The following CEMIP variants were observed in gnomAD, a reference collection of about 807,000 sequenced individuals.
CEMIP encodes cell migration inducing hyaluronidase 1, also known as cell migration-inducing and hyaluronan-binding protein.
In CEMIP, 105 loss-of-function variants were observed where a neutral mutation model predicts 156.9. The observed-to-expected ratio is 0.67, with a 90% CI of 0.57 to 0.79. The LOEUF (loss-of-function observed/expected upper bound fraction) is 0.79, where lower values mean the gene tolerates loss of function less well. Ranked by LOEUF, CEMIP falls within the 30% of genes least tolerant of loss-of-function variation. The pLI is 0.00. For missense variants in CEMIP, 1,457 were observed against 1,769.4 expected (o/e 0.82, Z 3.17); for synonymous variants, 676 against 668.4 (o/e 1.01, Z -0.17).
At chr15:80,838,571 T>TTTAAGAAG (rs1484259218) in intron 1 of CEMIP, among the ~76,000 whole-genome samples, 1 of 152,008 alleles carries the variant, frequency 6.6e-6, no homozygotes, top group Non-Finnish European at 1.5e-5. Context: ...ATCAGGCCCC[T>TTTAAGAAG]TTAAGAAGTT....
intron 1 of CEMIP, among the ~76,000 whole-genome samples, chr15:80,832,361 T>TGTGTGTGTGTGTGA (rs1897175755): frequency 1.3e-5 from 2 of 150,032 alleles, no homozygotes; most frequent in Admixed American, 6.6e-5. Context: ...TGTGTGTGTG[T>TGTGTGTGTGTGTGA]AAGAGAAACA....
chr15:80,825,799 C>T (rs1897022558), intron 1 of CEMIP, among the ~76,000 whole-genome samples: 1 of 152,158 alleles, frequency 6.6e-6, no homozygotes, highest in Non-Finnish European at 1.5e-5. Context: ...TTTAAGAATG[C>T]TCCCCTTTCC....
chr15:80,929,899 G>T (rs114824180), intron 21 of CEMIP, among the ~76,000 whole-genome samples: 3,038 of 152,322 alleles, frequency 0.02, 109 homozygotes, highest in African/African-American at 0.069. Context: ...ACTTGGAAGG[G>T]TGATGAGCAA....
chr15:80,851,512 A>G (rs1320588599), intron 1 of CEMIP, among the ~76,000 whole-genome samples: 1 of 152,190 alleles, frequency 6.6e-6, no homozygotes, highest in South Asian at 2.1e-4. Flanking sequence ...AAAATTCTAT[A>G]ATAATAAGAG....
Position 80,932,175 on chromosome 15 carries a change from TGTCCCAGTTTGCTCTTCATCCAAACTG to T in CEMIP, c.2793+138_2793+164del. On this transcript the variant is annotated intron_variant, in intron 22 of 29. Transcript: ENST00000394685. This position sits in a 1 kb window ranked among gnomAD's most constrained non-coding sequence, Gnocchi z 4.5. ...AGCCTCCTCCAACTAGGCTGGGCCA[TGTCCCAGTTTGCTCTTCATCCAAACTG>T]GAAAAGTACAAGCGTAGGTTGCCCC... The T allele has an allele frequency of 1.0e-6, 1 of 1,004,050 alleles. No homozygotes were observed. The highest frequency in any genetic ancestry group is 1.5e-6 in the Non-Finnish European group (1 of 657,072). The allele number at this position is 1,004,050 out of a possible 1,614,324, so 62.2% of individuals were successfully genotyped here.
At chr15:80,822,175 C>T (rs1896925400) in intron 1 of CEMIP, among the ~76,000 whole-genome samples, 1 of 152,194 alleles carries the variant, frequency 6.6e-6, no homozygotes, top group Admixed American at 6.5e-5. Flanking sequence ...TTCTTGTGCA[C>T]AGCTTCCTGG....
intron 1 of CEMIP, among the ~76,000 whole-genome samples, chr15:80,822,635 A>G (rs1896938194): frequency 6.6e-6 from 1 of 152,238 alleles, no homozygotes; most frequent in Non-Finnish European, 1.5e-5. Context: ...AGCAGTGTCA[A>G]TACCACATTG....
chr15:80,802,475 G>T lies in CEMIP; in HGVS notation c.-176+22861G>T, dbSNP rs546770598. 3.3e-5 allele frequency among the ~76,000 whole-genome samples: 5 copies of T among 152,322 alleles called. No individual in the cohort carries two copies. In the East Asian group the frequency reaches 9.7e-4, roughly 29 times the overall value. On this transcript the variant is annotated intron_variant, in intron 1 of 29. Transcript: ENST00000394685. ...CAGCAATGCAGCCTCCAGAGGATGT[G>T]CTCAGGCCCTGCCCACACACCCGGA... is the stretch of plus-strand genomic sequence containing the variant.
chr15:80,848,953 A>ATTTTTTTTTTTTTTTT (rs764417438), intron 1 of CEMIP, among the ~76,000 whole-genome samples: 1 of 72,462 alleles, frequency 1.4e-5, no homozygotes. Flanking sequence ...CTCTTTAGAA[A>ATTTTTTTTTTTTTTTT]TTTTTTTTTT....
At position 80,809,610 on chromosome 15, in the gene CEMIP, G is replaced by A. The variant is rs147320618; in HGVS notation, c.-176+29996G>A. 6.4e-3 allele frequency among the ~76,000 whole-genome samples: 978 copies of A among 152,312 alleles called. 8 individuals carry two copies. The highest frequency in any genetic ancestry group is 0.022 in the African/African-American group (909 of 41,566). On this transcript the variant is annotated intron_variant, in intron 1 of 29. Transcript: ENST00000394685. The stretch of plus-strand genomic sequence containing the variant: ...ATAGGAAGCATGGTGCAGAGTGACA[G>A]GGTTCTCTACCCATGGTGTCACCAG...
chr15:80,825,658 A>T (rs1897019097), intron 1 of CEMIP, among the ~76,000 whole-genome samples: 2 of 152,228 alleles, frequency 1.3e-5, no homozygotes, highest in Non-Finnish European at 2.9e-5. Context: ...GGAGAACAAA[A>T]GTGAGAGAGG....
intron 7 of CEMIP, 146 bp from the exon 8 acceptor site, chr15:80,887,548 C>T (rs917243299): frequency 4.4e-5 from 31 of 697,302 alleles, no homozygotes; most frequent in Non-Finnish European, 7.5e-5. Context: ...AAGAGAAGCC[C>T]AGCAAGTGAA....
At position 80,924,642 on chromosome 15, in the gene CEMIP, G is replaced by A. The variant is rs745343089; in HGVS notation, c.2224G>A (p.Gly742Arg). ...GCAGGCTGGCATGATCATAGACAAC[G>A]GAGTCAAAACCACCGAGGCCTCTGC... ...NYRAGMIIDN[G>R]VKTTEASAKD... The change falls in exon 18 of 30, where the codon GGA becomes AGA. Residue 742 changes from glycine to arginine, a missense_variant. Physicochemically the swap from Gly to Arg is moderately radical, Grantham distance 125. This residue lies in a region of CEMIP where 798 missense variants were observed against 980.1 expected (regional missense o/e 0.81). Coordinates refer to ENST00000394685, the MANE Select transcript of CEMIP (RefSeq NM_001293298.2). 10 of 1,614,020 alleles carry A rather than the reference G, an allele frequency of 6.2e-6. No homozygotes were observed. Among genetic ancestry groups the A allele is most frequent in the African/African-American group, 2.7e-5 (2 of 74,904 alleles).
chr15:80,819,193 A>T (rs184595298), intron 1 of CEMIP, among the ~76,000 whole-genome samples: 1 of 152,318 alleles, frequency 6.6e-6, no homozygotes, highest in African/African-American at 2.4e-5. Flanking sequence ...TTTAAAATGG[A>T]GGATTATATA....
In CEMIP at chr15:80,946,994, G is replaced by A; in HGVS notation, c.3887G>A (p.Arg1296Lys). Reference protein sequence around the residue: ...NSIVLMASKGRYVSRGPWTRV... With the variant: ...NSIVLMASKGKYVSRGPWTRV... ...ATAGTGCTTATGGCATCAAAGGGAAGATACGTCTCCAGAGGCCCATGGACC... is the reference window on the plus strand; with the variant it reads ...ATAGTGCTTATGGCATCAAAGGGAAAATACGTCTCCAGAGGCCCATGGACC... Residue 1296 changes from arginine to lysine, a missense_variant, in exon 29 of 30, where the codon AGA becomes AAA. This residue lies in a region of CEMIP where 798 missense variants were observed against 980.1 expected (regional missense o/e 0.81). Transcript: ENST00000394685. 6.2e-7 allele frequency: 1 copy of A among 1,613,954 alleles called. No individual in the cohort carries two copies. Among genetic ancestry groups the A allele is most frequent in the African/African-American group, 1.3e-5 (1 of 75,026 alleles).
chr15:80,782,024 GA>G (rs138814870), intron 1 of CEMIP, among the ~76,000 whole-genome samples: 73,615 of 151,578 alleles, frequency 0.49, 19,633 homozygotes, highest in Non-Finnish European at 0.61. Context: ...TGATCACAAT[GA>G]AAAAAAAATT....
intron 1 of CEMIP, among the ~76,000 whole-genome samples, chr15:80,804,215 G>A (rs1896453218): frequency 6.6e-6 from 1 of 152,168 alleles, no homozygotes; most frequent in South Asian, 2.1e-4. Flanking sequence ...GATTTGGGTG[G>A]GGACACAGGC....
chr15:80,944,187 G>A (rs1440959750), intron 28 of CEMIP, among the ~76,000 whole-genome samples: 1 of 152,220 alleles, frequency 6.6e-6, no homozygotes, highest in Non-Finnish European at 1.5e-5. Flanking sequence ...GGCTGAGGCA[G>A]GAGAATCGCT....
intron 1 of CEMIP, among the ~76,000 whole-genome samples, chr15:80,810,655 T>C (rs143214307): frequency 0.011 from 1,659 of 152,324 alleles, 21 homozygotes; most frequent in African/African-American, 0.034. Context: ...ATGCCCGGCC[T>C]ACCTGTGTTC....
Sources: allele counts gnomAD v4.1 joint callset (sites outside exome capture counted in the v4.1 genomes callset), GRCh38; gene constraint gnomAD v4.1.1; regional missense constraint gnomAD v4.1.1; non-coding constraint Gnocchi (gnomAD v3.1); transcripts MANE v1.5; gene names NCBI Gene and HGNC (gene_info 2026-07-23, HGNC 2026-07-21).